TBC1D1: variants seen among roughly 807,000 people sequenced by gnomAD.
TBC1D1 encodes TBC1 domain family member 1.
A neutral mutation model predicts 125.6 loss-of-function variants in TBC1D1; 89 were observed. The observed-to-expected ratio is 0.71, with a 90% CI of 0.60 to 0.85. TBC1D1 has a LOEUF of 0.85. TBC1D1 is among the 40% of genes least tolerant of loss of function. The pLI, the probability that TBC1D1 is intolerant of heterozygous loss-of-function variation, is 0.00. For synonymous variants in TBC1D1, 565 were observed against 564.1 expected, an observed-to-expected ratio of 1.00 and a Z score of -0.02; for missense variants, 1,377 against 1,469.2, an observed-to-expected ratio of 0.94 and a Z score of 1.03.
chr4:38,085,451 T>G (rs996156644), intron 12 of TBC1D1, among the ~76,000 whole-genome samples: 3 of 152,236 alleles, frequency 2.0e-5, no homozygotes, highest in African/African-American at 7.2e-5. Context: ...TGCCTGTCAG[T>G]GCCTGTGGTC....
chr4:37,940,458 GTCA>G (rs895984788), intron 2 of TBC1D1, among the ~76,000 whole-genome samples: 39 of 152,312 alleles, frequency 2.6e-4, no homozygotes, highest in African/African-American at 9.1e-4. Context: ...ATACAATCAT[GTCA>G]TCTGCGAACA....
In TBC1D1 at chr4:37,979,924, C is replaced by T. The variant is rs543323682; in HGVS notation, c.418-34585C>T. On this transcript the variant is annotated intron_variant, in intron 2 of 19. Transcript: ENST00000261439. ...CCTCCCGAGTAGCTGGGATTACAGGCTTGCGCCACCACCCCCGCTAATTTT... is the reference window on the plus strand; with the variant it reads ...CCTCCCGAGTAGCTGGGATTACAGGTTTGCGCCACCACCCCCGCTAATTTT... 9.2e-4 allele frequency among the ~76,000 whole-genome samples: 140 copies of T among 152,200 alleles called. 1 individual carries two copies. Among genetic ancestry groups the T allele is most frequent in the African/African-American group, 3.2e-3 (134 of 41,550 alleles).
rs377371839 is a variant in TBC1D1, at chr4:37,896,070, A to G, written c.-94+4722A>G. The stretch of plus-strand genomic sequence containing the variant: ...GCGTAAAGAACAGAGAAATTAAACC[A>G]TTGATTCACAGAGCAATATGAGTAG... On this transcript the variant is annotated intron_variant, in intron 1 of 19. Transcript: ENST00000261439. Among the ~76,000 whole-genome samples the G allele has an allele frequency of 1.1e-4, 17 of 152,314 alleles. 1 individual carries two copies. Among genetic ancestry groups the G allele is most frequent in the African/African-American group, 1.2e-4 (5 of 41,560 alleles).
intron 11 of TBC1D1, 27 bp from the exon 12 acceptor site, chr4:38,051,872 C>T: frequency 1.3e-6 from 2 of 1,544,186 alleles, no homozygotes; most frequent in Non-Finnish European, 1.8e-6. Context: ...TGCTAACCCC[C>T]CCGTGCTTTC....
chr4:38,050,373 A>T (rs1750288462), intron 11 of TBC1D1, among the ~76,000 whole-genome samples: 1 of 152,230 alleles, frequency 6.6e-6, no homozygotes, highest in Admixed American at 6.5e-5. Flanking sequence ...GACCTGGACG[A>T]ATTTGCTAAA....
chr4:38,127,355 G>A (rs1477456667), intron 18 of TBC1D1, among the ~76,000 whole-genome samples: 1 of 151,614 alleles, frequency 6.6e-6, no homozygotes, highest in Non-Finnish European at 1.5e-5. Context: ...TGGCTATTTG[G>A]AAGTTGCCAT....
chr4:38,126,725 G>A (rs551007435), intron 18 of TBC1D1, among the ~76,000 whole-genome samples: 3 of 152,040 alleles, frequency 2.0e-5, no homozygotes, highest in South Asian at 2.1e-4. Context: ...CGAAATATAC[G>A]CATGATCCCA....
intron 8 of TBC1D1, among the ~76,000 whole-genome samples, chr4:38,040,922 C>T (rs2152465301): frequency 6.6e-6 from 1 of 152,330 alleles, no homozygotes; most frequent in Middle Eastern, 3.4e-3. Flanking sequence ...GCCTGGGGAT[C>T]ATTGCTCATT....
intron 8 of TBC1D1, among the ~76,000 whole-genome samples, chr4:38,042,354 G>A (rs1204464691): frequency 2.6e-5 from 4 of 151,700 alleles, no homozygotes; most frequent in Admixed American, 2.0e-4. Flanking sequence ...TCCTGGGTTC[G>A]AGCGATTCTC....
chr4:38,053,573 C>T (rs2152485661), intron 11 of TBC1D1, among the ~76,000 whole-genome samples: 1 of 152,330 alleles, frequency 6.6e-6, no homozygotes, highest in Admixed American at 6.5e-5. Flanking sequence ...TGCTTACTTA[C>T]AGGTACATAA....
chr4:38,105,537 C>T (rs143060684), intron 15 of TBC1D1, among the ~76,000 whole-genome samples: 1 of 151,956 alleles, frequency 6.6e-6, no homozygotes, highest in Non-Finnish European at 1.5e-5. Flanking sequence ...AACTTGTCAC[C>T]CAGGAACCAA....
intron 2 of TBC1D1, among the ~76,000 whole-genome samples, chr4:38,008,056 C>T (rs1419068249): frequency 6.6e-6 from 1 of 152,228 alleles, no homozygotes; most frequent in Admixed American, 6.5e-5. Flanking sequence ...AAATACTGGC[C>T]ATTCCCATGT....
chr4:37,915,207 A>G (rs1560471624), intron 2 of TBC1D1, among the ~76,000 whole-genome samples: 1 of 151,782 alleles, frequency 6.6e-6, no homozygotes, highest in African/African-American at 2.4e-5. Flanking sequence ...CTTCCTTTCT[A>G]TTTTTTTTAA....
chr4:37,923,239 A>G (rs569468496), intron 2 of TBC1D1, among the ~76,000 whole-genome samples: 1 of 152,116 alleles, frequency 6.6e-6, no homozygotes, highest in Non-Finnish European at 1.5e-5. Flanking sequence ...TTTGCTGAGC[A>G]TGATGGTTTC....
chr4:38,116,955 A>G (rs758123178), intron 16 of TBC1D1, among the ~76,000 whole-genome samples: 12 of 152,250 alleles, frequency 7.9e-5, no homozygotes, highest in Admixed American at 7.2e-4. Context: ...TGCAAATATC[A>G]TAGAAGGAAC....
At position 38,107,621 on chromosome 4, in the gene TBC1D1, A is replaced by T. The variant is rs1228550696; in HGVS notation, c.2557+4464A>T. ...TTTTTTGGCAATGTGTTTTCCTCCA[A>T]AGAGTAAGAATAATAGGCCTCATGG... On this transcript the variant is annotated intron_variant, in intron 15 of 19. Transcript: ENST00000261439. Among the ~76,000 whole-genome samples, 4 of 117,562 alleles carry T rather than the reference A, an allele frequency of 3.4e-5. No individual in the cohort carries two copies. The Admixed American group carries it at 5.0e-4, about 15-fold the overall frequency. The allele number at this position is 117,562 out of a possible 152,430, so 77.1% of individuals were successfully genotyped here.
chr4:37,937,645 C>T (rs1724667803), intron 2 of TBC1D1, among the ~76,000 whole-genome samples: 1 of 152,076 alleles, frequency 6.6e-6, no homozygotes, highest in African/African-American at 2.4e-5. Flanking sequence ...ACAATAATTA[C>T]ATAAAAACAA....
chr4:38,046,911 T>C (rs1434782504), intron 10 of TBC1D1, among the ~76,000 whole-genome samples: 1 of 152,164 alleles, frequency 6.6e-6, no homozygotes, highest in African/African-American at 2.4e-5. Flanking sequence ...GGAGTGTTTG[T>C]GGAGGCCAGC....
intron 13 of TBC1D1, among the ~76,000 whole-genome samples, chr4:38,093,654 A>AGCTGG (rs71190952): frequency 0.14 from 21,086 of 151,622 alleles, 1,856 homozygotes; most frequent in East Asian, 0.42. Context: ...CCTCCAGAGT[A>AGCTGG]GATTACAGGC....
Sources: gnomAD v4.1 joint callset for allele counts (sites outside exome capture counted in the v4.1 genomes callset) on GRCh38, gnomAD v4.1.1 for gene constraint, MANE v1.5 for transcripts, NCBI Gene and HGNC (gene_info 2026-07-23, HGNC 2026-07-21) for gene names.